Variants in ARPP21 observed in about 807,000 individuals in gnomAD.
ARPP21 encodes cAMP-regulated phosphoprotein 21.
ARPP21 carries 69 observed loss-of-function variants against 113.2 expected under a neutral mutation model. That is an observed-to-expected ratio of 0.61 (90% CI 0.50 to 0.74). The LOEUF (loss-of-function observed/expected upper bound fraction) is 0.74. ARPP21 is among the 30% of genes least tolerant of loss of function. ARPP21 has a pLI of 0.00. For missense variants in ARPP21, 1,070 were observed against 1,037.4 expected (o/e 1.03, Z -0.43); for synonymous variants, 368 against 375.5 (o/e 0.98, Z 0.23).
chr3:35,692,073 A>T (rs1429275517), intron 9 of ARPP21, among the ~76,000 whole-genome samples: 1 of 151,548 alleles, frequency 6.6e-6, no homozygotes, highest in African/African-American at 2.4e-5. Flanking sequence ...GAGATCTGGG[A>T]CCAAGCATGG....
At position 35,669,431 on chromosome 3, in the gene ARPP21, A is replaced by G. The variant is rs1202528384; in HGVS notation, c.-212-10356A>G. On this transcript the variant is annotated intron_variant, in intron 1 of 20. Coordinates refer to ENST00000684406, the MANE Select transcript of ARPP21 (RefSeq NM_001385562.1). ...GATTGACAGATAGTTCATTTCTGTGATATATCAAATTGTAAATTTGATTCT... is the reference window on the plus strand; with the variant it reads ...GATTGACAGATAGTTCATTTCTGTGGTATATCAAATTGTAAATTTGATTCT... Among the ~76,000 whole-genome samples, 3 of 152,186 alleles carry G rather than the reference A, an allele frequency of 2.0e-5. No individual in the cohort carries two copies. The East Asian group carries it at 5.8e-4, about 29-fold the overall frequency.
intron 15 of ARPP21, among the ~76,000 whole-genome samples, chr3:35,736,017 A>G (rs1484436028): frequency 1.3e-5 from 2 of 152,152 alleles, no homozygotes; most frequent in Non-Finnish European, 2.9e-5. Flanking sequence ...CCATGTACTC[A>G]TTATGTAAAA....
In ARPP21 at chr3:35,683,790, C is replaced by A. The variant is rs1391210048; in HGVS notation, c.236C>A (p.Pro79Gln). Residue 79 changes from proline (P) to glutamine (Q), a missense_variant, in exon 5 of 21, where the codon CCA becomes CAA. Coordinates refer to ENST00000684406, the MANE Select transcript of ARPP21 (RefSeq NM_001385562.1). ...GTCTGTGAGGAATCTTCTGCCAGAC[C>A]AGGAGGTGAAAGTCTTCAGGATCAG... ...LAVCEESSAR[P>Q]GGESLQDQES... 1.9e-6 allele frequency: 3 copies of A among 1,545,792 alleles called. No homozygotes were observed. The highest frequency in any genetic ancestry group is 2.7e-6 in the Non-Finnish European group (3 of 1,119,704).
chr3:35,659,102 A>G (rs1265129828), intron 1 of ARPP21, among the ~76,000 whole-genome samples: 1 of 152,216 alleles, frequency 6.6e-6, no homozygotes. Flanking sequence ...TAATCAAGAC[A>G]TGAGCTATGT....
intron 1 of ARPP21, among the ~76,000 whole-genome samples, chr3:35,674,251 C>T (rs2076980399): frequency 6.6e-6 from 1 of 151,822 alleles, no homozygotes. Context: ...AACAGTGATA[C>T]TGAGAGAAAT....
chr3:35,698,331 G>A (rs184132025), intron 9 of ARPP21, among the ~76,000 whole-genome samples: 22 of 151,476 alleles, frequency 1.5e-4, no homozygotes, highest in South Asian at 4.2e-4. Flanking sequence ...TAAGTTTGTC[G>A]TATTCCTTTC....
At chr3:35,737,584 A>C (rs150024881) in intron 16 of ARPP21, among the ~76,000 whole-genome samples, 2 of 152,362 alleles carry the variant, frequency 1.3e-5, no homozygotes, top group African/African-American at 4.8e-5. Context: ...AGTTGAAGGC[A>C]TGAAAGTAGG....
intron 9 of ARPP21, among the ~76,000 whole-genome samples, chr3:35,691,410 T>C (rs577934101): frequency 6.6e-6 from 1 of 151,746 alleles, no homozygotes; most frequent in Admixed American, 6.6e-5. Flanking sequence ...TTTTTAGACA[T>C]CTATCTTATT....
At chr3:35,764,713 T>A (rs1044741470) in intron 19 of ARPP21, among the ~76,000 whole-genome samples, 13 of 152,210 alleles carry the variant, frequency 8.5e-5, no homozygotes, top group African/African-American at 3.1e-4. Context: ...TAATGTTTTG[T>A]GGGGTTTTAG....
At chr3:35,664,836 C>G (rs1022565272) in intron 1 of ARPP21, among the ~76,000 whole-genome samples, 11 of 152,128 alleles carry the variant, frequency 7.2e-5, no homozygotes, top group Non-Finnish European at 1.5e-4. Context: ...CTGCTCTGTT[C>G]TCTGAGCTGG....
chr3:35,691,736 A>T (rs4678797), intron 9 of ARPP21, among the ~76,000 whole-genome samples: 15,825 of 151,576 alleles, frequency 0.1, 863 homozygotes, highest in Non-Finnish European at 0.12. Context: ...GTTTTTCTTG[A>T]ACCTATATAT....
intron 17 of ARPP21, 119 bp downstream of exon 17, chr3:35,738,437 G>C: frequency 2.8e-6 from 2 of 720,376 alleles, no homozygotes; most frequent in Non-Finnish European, 4.7e-6. Flanking sequence ...CTGTGAGGGG[G>C]TATGTGCGAA....
At chr3:35,762,577 A>AT (rs1201064259) in intron 19 of ARPP21, among the ~76,000 whole-genome samples, 12 of 152,120 alleles carry the variant, frequency 7.9e-5, no homozygotes, top group African/African-American at 2.7e-4. Flanking sequence ...AAAGGAAAAC[A>AT]TTCGTGACTA....
chr3:35,659,449 A>G (rs1048727546), intron 1 of ARPP21, among the ~76,000 whole-genome samples: 1 of 152,200 alleles, frequency 6.6e-6, no homozygotes, highest in South Asian at 2.1e-4. Flanking sequence ...GAAGACATTT[A>G]CATTTTTAGA....
intron 1 of ARPP21, chr3:35,679,545 C>T (rs2078345468): frequency 6.6e-6 from 1 of 150,520 alleles, no homozygotes; most frequent in Non-Finnish European, 1.5e-5. Context: ...GAGTAATCTT[C>T]GGTGCATAAT....
At chr3:35,643,963 C>T (rs970040660) in intron 1 of ARPP21, 3 of 151,842 alleles carry the variant, frequency 2.0e-5, no homozygotes, top group African/African-American at 7.3e-5. Context: ...TTTAAGTCAG[C>T]GATGATGCAT....
chr3:35,762,940 A>G (rs1253028736), intron 19 of ARPP21, among the ~76,000 whole-genome samples: 2 of 152,104 alleles, frequency 1.3e-5, no homozygotes, highest in Non-Finnish European at 2.9e-5. Context: ...GCCTTCTTTC[A>G]TTAAACATTA....
chr3:35,644,238 G>A (rs77143625), intron 1 of ARPP21, among the ~76,000 whole-genome samples: 2,275 of 151,814 alleles, frequency 0.015, 29 homozygotes, highest in Non-Finnish European at 0.024. Flanking sequence ...TTTATGCCAA[G>A]TTCTAATAAA....
intron 14 of ARPP21, among the ~76,000 whole-genome samples, chr3:35,722,228 A>G (rs2093146982): frequency 6.6e-6 from 1 of 152,208 alleles, no homozygotes; most frequent in African/African-American, 2.4e-5. Context: ...GTAACTACCT[A>G]GCAAAAGTTT....
Sources: gnomAD v4.1 joint callset for allele counts (sites outside exome capture counted in the v4.1 genomes callset) on GRCh38, gnomAD v4.1.1 for gene constraint, MANE v1.5 for transcripts, NCBI Gene and HGNC (gene_info 2026-07-23, HGNC 2026-07-21) for gene names.